The following MMP20 variants were observed in gnomAD, a reference collection of about 807,000 sequenced individuals.
MMP20 encodes matrix metallopeptidase 20, also known as matrix metalloproteinase-20.
In MMP20, 50 loss-of-function variants were observed where a neutral mutation model predicts 51.8. The observed-to-expected ratio is 0.97, with a 90% CI of 0.77 to 1.22. The LOEUF is 1.22. Ranked by LOEUF, MMP20 falls within the 50% of genes most tolerant of loss-of-function variation. The probability of loss-of-function intolerance (pLI) is 0.00; values close to 1 mark genes in which losing one functional copy is unlikely to be tolerated. For synonymous variants in MMP20, 244 were observed against 216.2 expected, an observed-to-expected ratio of 1.13 and a Z score of -1.13; for missense variants, 663 against 601.4, an observed-to-expected ratio of 1.10 and a Z score of -1.07.
chr11:102,600,444 T>C (rs1182172903), intron 6 of MMP20, among the ~76,000 whole-genome samples: 2 of 152,298 alleles, frequency 1.3e-5, no homozygotes, highest in East Asian at 3.9e-4. Flanking sequence ...AAATGAATGA[T>C]CTATCTCAAC....
intron 5 of MMP20, chr11:102,608,064 C>T (rs1256828272): frequency 1.3e-5 from 2 of 152,210 alleles, no homozygotes; most frequent in Admixed American, 6.5e-5. Flanking sequence ...GGGCTTCCCA[C>T]CCTCCAGATC....
Position 102,616,801 on chromosome 11 carries a change from G to T in MMP20, c.374+11C>A, listed in dbSNP as rs370896953. ...TTTTTCTCTGAATTTGGAAAGACTTGATCTCATTACCTGTATGTCAAAGTA... is the reference window on the plus strand; with the variant it reads ...TTTTTCTCTGAATTTGGAAAGACTTTATCTCATTACCTGTATGTCAAAGTA... On this transcript the variant is annotated intron_variant, in intron 2 of 9. Transcript: ENST00000260228. 1 of 1,614,036 alleles carries T rather than the reference G, an allele frequency of 6.2e-7. No individual in the cohort carries two copies. The highest frequency in any genetic ancestry group is 8.5e-7 in the Non-Finnish European group (1 of 1,179,924).
At chr11:102,615,315 G>T (rs1249371565) in intron 2 of MMP20, among the ~76,000 whole-genome samples, 1 of 148,420 alleles carries the variant, frequency 6.7e-6, no homozygotes, top group African/African-American at 2.5e-5. Context: ...TTTATTTAAT[G>T]TAATGTAATA....
At chr11:102,578,271 G>A (rs1859149945) in intron 9 of MMP20, among the ~76,000 whole-genome samples, 2 of 151,860 alleles carry the variant, frequency 1.3e-5, no homozygotes, top group Non-Finnish European at 2.9e-5. Context: ...AGCATCCGGA[G>A]TAGCTGGGAC....
chr11:102,600,530 C>T (rs962820639), intron 6 of MMP20, among the ~76,000 whole-genome samples: 1 of 152,168 alleles, frequency 6.6e-6, no homozygotes, highest in East Asian at 1.9e-4. Context: ...GTCACCCAGG[C>T]TGGAGTGCAG....
chr11:102,600,486 T>C (rs572070574), intron 6 of MMP20, among the ~76,000 whole-genome samples: 28 of 152,178 alleles, frequency 1.8e-4, no homozygotes, highest in Admixed American at 1.4e-3. Flanking sequence ...CTTTTTATTA[T>C]TTATTTATTT....
chr11:102,612,146 T>G (rs1859609932), intron 2 of MMP20, among the ~76,000 whole-genome samples: 1 of 152,200 alleles, frequency 6.6e-6, no homozygotes, highest in Non-Finnish European at 1.5e-5. Context: ...CTTTCATTGT[T>G]ATTATACTAC....
intron 3 of MMP20, among the ~76,000 whole-genome samples, chr11:102,611,461 G>A (rs1366504672): frequency 2.0e-5 from 3 of 152,322 alleles, no homozygotes; most frequent in East Asian, 1.9e-4. Flanking sequence ...TGTGGCTAAC[G>A]GGAAAGCAAA....
chr11:102,602,388 T>C (rs1859459574), intron 6 of MMP20, among the ~76,000 whole-genome samples: 1 of 152,070 alleles, frequency 6.6e-6, no homozygotes, highest in South Asian at 2.1e-4. Context: ...TGAAGAAACA[T>C]ATTAGACATC....
chr11:102,595,130 T>C (rs934417113), intron 6 of MMP20, among the ~76,000 whole-genome samples: 1 of 152,104 alleles, frequency 6.6e-6, no homozygotes, highest in African/African-American at 2.4e-5. Flanking sequence ...CTTCACCACA[T>C]TGGCCAGGCT....
At chr11:102,620,023 T>C (rs1859728330) in intron 1 of MMP20, among the ~76,000 whole-genome samples, 2 of 152,304 alleles carry the variant, frequency 1.3e-5, no homozygotes, top group Admixed American at 1.3e-4. Context: ...AAGATGTGAT[T>C]CTTGTTCTAG....
intron 1 of MMP20, among the ~76,000 whole-genome samples, chr11:102,622,018 CAAACAAACCCAGAATAA>C (rs1334467472): frequency 3.5e-5 from 5 of 142,970 alleles, no homozygotes; most frequent in Admixed American, 3.5e-4. Context: ...GTTTAACAAA[CAAACAAACCCAGAATAA>C]AATCCTGGAT....
chr11:102,587,998 A>G (rs1413390288), intron 8 of MMP20, among the ~76,000 whole-genome samples: 3 of 152,100 alleles, frequency 2.0e-5, no homozygotes, highest in African/African-American at 7.2e-5. Flanking sequence ...TGTTTTCTGT[A>G]TAACTCATGT....
Position 102,577,259 on chromosome 11 carries a change from T to A in MMP20, c.*67A>T. 9.6e-7 allele frequency: 1 copy of A among 1,046,190 alleles called. No individual in the cohort carries two copies. The highest frequency in any genetic ancestry group is 1.7e-5 in the Admixed American group (1 of 58,812). 64.8% of individuals were successfully genotyped at this position (1,046,190 alleles called of 1,614,324 possible). A position where few individuals can be genotyped will look rare whatever the true frequency, so the allele number is the denominator to read the frequency against. On this transcript the variant is annotated 3_prime_UTR_variant, in exon 10 of 10. Transcript: ENST00000260228. ...ATCCCTCTCCTACATTCTGCTTTAG[T>A]CCTTAAGATCCAGTTAGAGGCTGCT...
intron 8 of MMP20, chr11:102,583,746 C>A (rs1421360578): frequency 6.6e-6 from 1 of 152,218 alleles, no homozygotes; most frequent in Non-Finnish European, 1.5e-5. Flanking sequence ...TCACCCGCCC[C>A]CACAAAAACC....
At chr11:102,592,443 G>A (rs746586818) in intron 8 of MMP20, among the ~76,000 whole-genome samples, 3 of 152,132 alleles carry the variant, frequency 2.0e-5, no homozygotes, top group Non-Finnish European at 4.4e-5. Context: ...ATATATTTAT[G>A]TGCCTCACTT....
intron 8 of MMP20, among the ~76,000 whole-genome samples, chr11:102,591,701 C>G (rs186433615): frequency 5.9e-5 from 9 of 152,250 alleles, no homozygotes; most frequent in African/African-American, 2.2e-4. Context: ...AAGACTTCTC[C>G]TTAGTAGACA....
At chr11:102,594,833 C>T in intron 6 of MMP20, 76 bp from the exon 7 acceptor site, 1 of 1,551,030 alleles carries the variant, frequency 6.4e-7, no homozygotes, top group Non-Finnish European at 8.7e-7. Context: ...TGCACTTTGA[C>T]TGAAATGTAC....
chr11:102,615,696 G>A (rs887524241), intron 2 of MMP20, among the ~76,000 whole-genome samples: 6 of 152,098 alleles, frequency 3.9e-5, no homozygotes, highest in Non-Finnish European at 4.4e-5. Flanking sequence ...TGCTGCAGCC[G>A]CATGCACTAG....
Sources: allele counts gnomAD v4.1 joint callset (sites outside exome capture counted in the v4.1 genomes callset), GRCh38; gene constraint gnomAD v4.1.1; transcripts MANE v1.5; gene names NCBI Gene and HGNC (gene_info 2026-07-23, HGNC 2026-07-21).